The following SYNE1 variants were observed in gnomAD, a reference collection of about 807,000 sequenced individuals.
The protein encoded by SYNE1 is spectrin repeat containing nuclear envelope protein 1.
SYNE1 carries 616 observed loss-of-function variants against 1,111.0 expected under a neutral mutation model. The observed-to-expected ratio is 0.55, with a 90% CI of 0.52 to 0.59. The LOEUF (loss-of-function observed/expected upper bound fraction) is 0.59, where lower values mean the gene tolerates loss of function less well. Ranked by LOEUF, SYNE1 falls within the 20% of genes least tolerant of loss-of-function variation. SYNE1 has a pLI of 0.00. For synonymous variants in SYNE1, 3,855 were observed against 3,825.8 expected, an observed-to-expected ratio of 1.01 and a Z score of -0.28; for missense variants, 10,006 against 10,417.0, an observed-to-expected ratio of 0.96 and a Z score of 1.72.
intron 55 of SYNE1, among the ~76,000 whole-genome samples, chr6:152,384,811 C>G (rs1186752967): frequency 6.6e-6 from 1 of 150,652 alleles, no homozygotes; most frequent in Non-Finnish European, 1.5e-5. Flanking sequence ...ACCCAGGAGG[C>G]AGAGGTTGCA....
At chr6:152,173,990 C>T (rs932320373) in intron 130 of SYNE1, among the ~76,000 whole-genome samples, 1 of 152,188 alleles carries the variant, frequency 6.6e-6, no homozygotes, top group Non-Finnish European at 1.5e-5. Flanking sequence ...CAGCAGCAAA[C>T]TCATTTGCTG....
intron 86 of SYNE1, among the ~76,000 whole-genome samples, chr6:152,317,611 A>G (rs1212694893): frequency 2.0e-5 from 3 of 151,876 alleles, no homozygotes; most frequent in Non-Finnish European, 4.4e-5. Flanking sequence ...TGGGTTACCA[A>G]CTCCTGGTTT....
Position 152,310,322 on chromosome 6 carries a change from G to T in SYNE1, c.17019+74C>A, listed in dbSNP as rs1020334386. The T allele has an allele frequency of 2.5e-6, 4 of 1,581,082 alleles. No homozygotes were observed. In the African/African-American group the frequency reaches 4.0e-5, roughly 16 times the overall value. On this transcript the variant is annotated intron_variant, in intron 89 of 145. Coordinates refer to ENST00000367255, the MANE Select transcript of SYNE1 (RefSeq NM_182961.4). ...AAATAAAACAGTGTTGAGTTTAGGA[G>T]GCATTTTTCCTTACTATCCTCTTTT...
chr6:152,506,485 A>G (rs2099058739), intron 8 of SYNE1, among the ~76,000 whole-genome samples: 3 of 152,046 alleles, frequency 2.0e-5, no homozygotes, highest in African/African-American at 7.2e-5. Context: ...TACAACCTGA[A>G]TGGTATGCTG....
chr6:152,405,234 T>C (rs2097880071), intron 45 of SYNE1, among the ~76,000 whole-genome samples: 1 of 152,226 alleles, frequency 6.6e-6, no homozygotes, highest in South Asian at 2.1e-4. Context: ...CCCATCTCTG[T>C]GAGTAACTGA....
At chr6:152,286,962 C>T (rs773301898) in intron 95 of SYNE1, among the ~76,000 whole-genome samples, 3 of 152,178 alleles carry the variant, frequency 2.0e-5, no homozygotes, top group Non-Finnish European at 4.4e-5. Context: ...CTACTCAAAG[C>T]GTGGTCCACA....
At position 152,350,180 on chromosome 6, in the gene SYNE1, C is replaced by A. The variant is rs999887326; in HGVS notation, c.11889G>T (p.Leu3963Phe). The A allele has an allele frequency of 4.3e-6, 7 of 1,613,244 alleles. No homozygotes were observed. The highest frequency in any genetic ancestry group is 1.3e-5 in the African/African-American group (1 of 74,862). ...AGGTCAGGGGTACCTTGTGGTGGGC[C>A]AATTGCTGGGTGATTGTCTCCAGGC... ...TSSLETITQQ[L>F]AHHKAMMEEI... Residue 3963 changes from leucine (L) to phenylalanine (F), a missense_variant, in exon 72 of 146, where the codon TTG becomes TTT. Physicochemically the swap from Leu to Phe is conservative, Grantham distance 22. This residue lies in a region of SYNE1 where 4,955 missense variants were observed against 5,017.2 expected (regional missense o/e 0.99). Transcript: ENST00000367255.
intron 104 of SYNE1, 35 bp from the exon 105 acceptor site, chr6:152,249,297 G>T: frequency 8.6e-7 from 1 of 1,162,044 alleles, no homozygotes; most frequent in Non-Finnish European, 1.3e-6. Context: ...CTCAAAATGT[G>T]TAACAGGGAA....
intron 3 of SYNE1, among the ~76,000 whole-genome samples, chr6:152,604,994 AAGAAAGAAAGAAAG>A (rs1258958216): frequency 0.019 from 511 of 26,790 alleles, 2 homozygotes; most frequent in Non-Finnish European, 0.025. Context: ...GAAAGAAAGA[AAGAAAGAAAGAAAG>A]AGAGAGAGAG....
chr6:152,529,944 A>G (rs2099187849), intron 4 of SYNE1, among the ~76,000 whole-genome samples: 1 of 152,134 alleles, frequency 6.6e-6, no homozygotes, highest in African/African-American at 2.4e-5. Context: ...GTTAACCCAA[A>G]TCACATTATT....
At chr6:152,625,315 GCA>G (rs1426978469) in intron 3 of SYNE1, among the ~76,000 whole-genome samples, 1 of 152,146 alleles carries the variant, frequency 6.6e-6, no homozygotes, top group African/African-American at 2.4e-5. Flanking sequence ...TAGTAAATAT[GCA>G]CAGTGACAAC....
At chr6:152,136,030 T>C (rs2056997378) in intron 141 of SYNE1, among the ~76,000 whole-genome samples, 1 of 152,228 alleles carries the variant, frequency 6.6e-6, no homozygotes, top group South Asian at 2.1e-4. Context: ...CTTCCAATGT[T>C]AGCTCAAAGA....
At chr6:152,238,943 G>C (rs994743226) in intron 108 of SYNE1, among the ~76,000 whole-genome samples, 1 of 150,786 alleles carries the variant, frequency 6.6e-6, no homozygotes, top group Non-Finnish European at 1.5e-5. Context: ...CCGTTGCCCA[G>C]GCTGGAGTGC....
At position 152,488,474 on chromosome 6, in the gene SYNE1, C is replaced by T; in HGVS notation, c.969G>A (p.Met323Ile). ...KREDRVIFKE[M>I]KVWIEQFERD... ...TCTCAAATTGTTCTATCCAAACTTT[C>T]ATTTCCTTAAAAATTACTCTGTCTT... The change falls in exon 12 of 146, where the codon ATG becomes ATA. Residue 323 changes from methionine (M) to isoleucine (I), a missense_variant. By Grantham distance (10) the Met-to-Ile change is conservative. This residue lies in a region of SYNE1 where 1,971 missense variants were observed against 2,084.1 expected (regional missense o/e 0.95). Coordinates refer to ENST00000367255, the MANE Select transcript of SYNE1 (RefSeq NM_182961.4). The T allele has an allele frequency of 1.2e-6, 2 of 1,605,502 alleles. No homozygotes were observed. Among genetic ancestry groups the T allele is most frequent in the Non-Finnish European group, 8.5e-7 (1 of 1,173,954 alleles).
In SYNE1 at chr6:152,330,561, C is replaced by T. The variant is rs1307027068; in HGVS notation, c.14124G>A (p.Glu4708=). 10 of 1,614,076 alleles carry T rather than the reference C, an allele frequency of 6.2e-6. No individual in the cohort carries two copies. Among genetic ancestry groups the T allele is most frequent in the African/African-American group, 1.3e-5 (1 of 75,048 alleles). Residue 4708 remains glutamate (E), a synonymous_variant, in exon 78 of 146, where the codon GAG becomes GAA. Transcript: ENST00000367255. ...SKVPTDLAVE[E]ALSLQDGCRA... The stretch of plus-strand genomic sequence containing the variant: ...TGCAACCATCTTGCAGAGAAAGAGC[C>T]TCCTCAACGGCCAGGTCGGTGGGAA...
At chr6:152,337,804 G>A (rs1230709141) in intron 75 of SYNE1, among the ~76,000 whole-genome samples, 1 of 152,144 alleles carries the variant, frequency 6.6e-6, no homozygotes, top group African/African-American at 2.4e-5. Flanking sequence ...TGCTTCACTG[G>A]TTTTTGAAGC....
At chr6:152,421,618 T>C (rs961370025) in intron 39 of SYNE1, among the ~76,000 whole-genome samples, 5 of 152,036 alleles carry the variant, frequency 3.3e-5, no homozygotes, top group African/African-American at 9.6e-5. Context: ...AATTGTTTCC[T>C]GGCCGCAAGT....
chr6:152,235,966 C>T lies in SYNE1; in HGVS notation c.20396+141G>A, dbSNP rs907291360. The T allele has an allele frequency of 7.3e-5, 64 of 872,612 alleles. No homozygotes were observed. The Middle Eastern group carries it at 1.7e-3, about 23-fold the overall frequency. 54.1% of individuals were successfully genotyped at this position (872,612 alleles called of 1,614,324 possible). On this transcript the variant is annotated intron_variant, in intron 110 of 145. Transcript: ENST00000367255. Reference sequence around the variant, plus strand: ...CTATGTTGCCCAGGCTGGTCTTGAACTCCTGGCCTCAAGCAGTCCTCCCGT... The same window carrying T: ...CTATGTTGCCCAGGCTGGTCTTGAATTCCTGGCCTCAAGCAGTCCTCCCGT...
intron 130 of SYNE1, 129 bp from the exon 131 acceptor site, chr6:152,164,454 C>A: frequency 9.3e-7 from 1 of 1,077,514 alleles, no homozygotes; most frequent in Non-Finnish European, 1.4e-6. Context: ...TGGAAGAAGC[C>A]AAAGACAGAA....
Sources: gnomAD v4.1 joint callset for allele counts (sites outside exome capture counted in the v4.1 genomes callset) on GRCh38, gnomAD v4.1.1 for gene constraint, gnomAD v4.1.1 regional missense constraint, MANE v1.5 for transcripts, NCBI Gene and HGNC (gene_info 2026-07-23, HGNC 2026-07-21) for gene names.